ANO3: variants seen among roughly 807,000 people sequenced by gnomAD.
ANO3 encodes anoctamin-3.
Under a neutral mutation model 144.8 loss-of-function variants are expected in ANO3, and 99 were observed. That is an observed-to-expected ratio of 0.68 (90% CI 0.58 to 0.81). ANO3 has a LOEUF of 0.81. Ranked by LOEUF, ANO3 falls within the 30% of genes least tolerant of loss-of-function variation. The pLI is 0.00. For synonymous variants in ANO3, 414 were observed against 392.6 expected (o/e 1.05, Z -0.64); for missense variants, 905 against 1,202.2 (o/e 0.75, Z 3.66).
At chr11:26,553,134 C>T (rs1320717498) in intron 12 of ANO3, 115 bp from the exon 13 acceptor site, 1 of 756,052 alleles carries the variant, frequency 1.3e-6, no homozygotes, top group African/African-American at 1.7e-5. Context: ...CATTTCTTCT[C>T]CTTTTCCTCT....
chr11:26,309,566 C>A, upstream of ANO3: 1 of 706,306 alleles, frequency 1.4e-6, no homozygotes. Context: ...TCTTCTTTTC[C>A]ATGATAATTT....
intron 20 of ANO3, among the ~76,000 whole-genome samples, chr11:26,638,933 A>G (rs1288258552): frequency 6.6e-6 from 1 of 152,156 alleles, no homozygotes; most frequent in Non-Finnish European, 1.5e-5. Flanking sequence ...TGTTATTGCT[A>G]TTATAATTTT....
chr11:26,530,144 T>A (rs1019103744), intron 7 of ANO3, among the ~76,000 whole-genome samples: 1 of 152,212 alleles, frequency 6.6e-6, no homozygotes, highest in African/African-American at 2.4e-5. Context: ...TGTTCCACAT[T>A]GTTAATTACC....
chr11:26,492,325 T>C (rs1860741025), intron 4 of ANO3, among the ~76,000 whole-genome samples: 1 of 152,192 alleles, frequency 6.6e-6, no homozygotes, highest in South Asian at 2.1e-4. Flanking sequence ...TCTGATCTGA[T>C]TTTTCTTATA....
intron 14 of ANO3, chr11:26,560,854 G>A: frequency 2.2e-6 from 1 of 448,288 alleles, no homozygotes; most frequent in Admixed American, 4.4e-5. Flanking sequence ...AGGCTACTTA[G>A]TAAATGCCTC....
At chr11:26,311,897 T>C (rs1015520735) in intron 1 of ANO3, among the ~76,000 whole-genome samples, 2 of 152,162 alleles carry the variant, frequency 1.3e-5, no homozygotes, top group Admixed American at 6.5e-5. Flanking sequence ...ATGTGCACAA[T>C]GTGCAGGTTT....
intron 17 of ANO3, among the ~76,000 whole-genome samples, chr11:26,603,649 C>A (rs552608635): frequency 1.4e-5 from 2 of 143,550 alleles, no homozygotes; most frequent in East Asian, 2.1e-4. Context: ...TACTTGATTC[C>A]ATTTTTTCTA....
chr11:26,573,197 T>C (rs1342917194), intron 14 of ANO3, among the ~76,000 whole-genome samples: 1 of 152,114 alleles, frequency 6.6e-6, no homozygotes, highest in Non-Finnish European at 1.5e-5. Context: ...CTAGTAAGCT[T>C]CAAATGGAAT....
Position 26,516,815 on chromosome 11 carries a change from T to C in ANO3, c.592-12T>C, listed in dbSNP as rs532775097. 6.1e-5 allele frequency: 96 copies of C among 1,581,768 alleles called. 1 individual carries two copies. The East Asian group carries it at 2.0e-3, about 33-fold the overall frequency. ...TTCTAAATAATGTTGCCTATCTTAC[T>C]ATCATTTGCAGCCAGCTATTGCAAG... On this transcript the variant is annotated splice_polypyrimidine_tract_variant and intron_variant, in intron 5 of 26. Coordinates refer to ENST00000256737, the MANE Select transcript of ANO3 (RefSeq NM_031418.4).
chr11:26,522,511 CA>C (rs1862123013), intron 6 of ANO3, among the ~76,000 whole-genome samples: 2 of 152,088 alleles, frequency 1.3e-5, no homozygotes, highest in South Asian at 4.1e-4. Flanking sequence ...AGCCTTGACA[CA>C]AGGTATAAAA....
chr11:26,415,105 A>AGAC (rs1384991785), intron 1 of ANO3, among the ~76,000 whole-genome samples: 2 of 150,386 alleles, frequency 1.3e-5, no homozygotes, highest in Non-Finnish European at 3.0e-5. Flanking sequence ...AGTGAGTGTG[A>AGAC]GACAGTTCAA....
intron 1 of ANO3, among the ~76,000 whole-genome samples, chr11:26,441,117 T>G (rs958487201): frequency 5.1e-5 from 6 of 118,650 alleles, no homozygotes; most frequent in Admixed American, 8.1e-5. Flanking sequence ...TTTTTTTTTT[T>G]TTTTTTTTTT....
chr11:26,228,473 A>G (rs12805403), intron 1 of ANO3, among the ~76,000 whole-genome samples: 34,908 of 152,138 alleles, frequency 0.23, 4,781 homozygotes, highest in Non-Finnish European at 0.29. Context: ...ATCAACAAAC[A>G]CAAGATAAGT....
Position 26,476,669 on chromosome 11 carries a change from C to T in ANO3, c.432+13521C>T, listed in dbSNP as rs866748340. 1.7e-4 allele frequency among the ~76,000 whole-genome samples: 26 copies of T among 151,844 alleles called. No individual in the cohort carries two copies. The South Asian group carries it at 2.1e-3, about 12-fold the overall frequency. On this transcript the variant is annotated intron_variant, in intron 4 of 26. Coordinates refer to ENST00000256737, the MANE Select transcript of ANO3 (RefSeq NM_031418.4). The stretch of plus-strand genomic sequence containing the variant: ...GGGGAAACAATGTCGGAGGTGGGGA[C>T]GACACTACAGTAATACAACTCAACA...
chr11:26,278,927 A>G lies in ANO3; in HGVS notation c.155-30718A>G, dbSNP rs546673220. On this transcript the variant is annotated intron_variant, in intron 1 of 27. Transcript: ENST00000672621. ...ATTTGTATACTACGATTCTTTTATA[A>G]TAGAAGTTGCTATGTAGACATCTTT... is the stretch of plus-strand genomic sequence containing the variant. Among the ~76,000 whole-genome samples the G allele has an allele frequency of 7.7e-4, 117 of 152,232 alleles. 1 individual carries two copies. The highest frequency in any genetic ancestry group is 1.3e-3 in the Non-Finnish European group (91 of 67,998).
intron 4 of ANO3, among the ~76,000 whole-genome samples, chr11:26,505,011 C>CAAAA (rs61530995): frequency 9.4e-5 from 6 of 63,666 alleles, no homozygotes; most frequent in Non-Finnish European, 8.1e-5. Flanking sequence ...GACTCCACCT[C>CAAAA]AAAAAAAAAA....
chr11:26,560,735 T>C (rs1478263145), intron 14 of ANO3: 4 of 182,816 alleles, frequency 2.2e-5, no homozygotes, highest in Non-Finnish European at 4.5e-5. Flanking sequence ...TTTGGTGGAA[T>C]AATTTTTATT....
intron 1 of ANO3, among the ~76,000 whole-genome samples, chr11:26,293,407 C>T (rs980663759): frequency 6.0e-5 from 9 of 151,008 alleles, no homozygotes; most frequent in Non-Finnish European, 1.2e-4. Flanking sequence ...TCCCAACTTA[C>T]TCAATTGTTA....
intron 1 of ANO3, among the ~76,000 whole-genome samples, chr11:26,289,984 G>T (rs1019061627): frequency 6.6e-6 from 1 of 151,754 alleles, no homozygotes; most frequent in African/African-American, 2.4e-5. Flanking sequence ...TGGAAGAAAT[G>T]GTATCAGCTC....
Sources: gnomAD v4.1 joint callset for allele counts (sites outside exome capture counted in the v4.1 genomes callset) on GRCh38, gnomAD v4.1.1 for gene constraint, MANE v1.5 for transcripts, NCBI Gene and HGNC (gene_info 2026-07-23, HGNC 2026-07-21) for gene names.